The following RTN1 variants were observed in gnomAD, a reference collection of about 807,000 sequenced individuals.
RTN1 encodes the protein reticulon 1.
Under a neutral mutation model 65.5 loss-of-function variants are expected in RTN1, and 25 were observed. The observed-to-expected ratio is 0.38, with a 90% CI of 0.28 to 0.53. RTN1 has a LOEUF of 0.53. RTN1 is among the 20% of genes least tolerant of loss of function. The pLI is 0.79. For missense variants in RTN1, 983 were observed against 1,025.4 expected, an observed-to-expected ratio of 0.96 and a Z score of 0.57; for synonymous variants, 471 against 447.6, an observed-to-expected ratio of 1.05 and a Z score of -0.66.
intron 3 of RTN1, among the ~76,000 whole-genome samples, chr14:59,628,620 G>A (rs751608322): frequency 1.1e-4 from 16 of 152,122 alleles, no homozygotes; most frequent in Admixed American, 5.2e-4. Flanking sequence ...ACCAAAGGTC[G>A]CTGAGTATAA....
chr14:59,863,559 C>T (rs147247198), intron 1 of RTN1, among the ~76,000 whole-genome samples: 18 of 152,238 alleles, frequency 1.2e-4, no homozygotes, highest in Non-Finnish European at 1.9e-4. Context: ...TTTGAAAGAC[C>T]TCTGTATATT....
chr14:59,693,958 T>C (rs535693005), intron 3 of RTN1, among the ~76,000 whole-genome samples: 109 of 152,220 alleles, frequency 7.2e-4, no homozygotes, highest in Middle Eastern at 3.4e-3. Flanking sequence ...TGAAGATGAG[T>C]TTTCTGCTGG....
rs1886142413 is a variant in RTN1, at chr14:59,780,885, G to A, written c.242-34404C>T. 3.9e-5 allele frequency among the ~76,000 whole-genome samples: 6 copies of A among 152,276 alleles called. No individual in the cohort carries two copies. The South Asian group carries it at 1.2e-3, about 32-fold the overall frequency. Reference sequence around the variant, plus strand: ...CAGCAATGGATATGATCTTAGAAGTGGAGACGCCTGTCTGGGAAAGAGAGG... The same window carrying A: ...CAGCAATGGATATGATCTTAGAAGTAGAGACGCCTGTCTGGGAAAGAGAGG... On this transcript the variant is annotated intron_variant, in intron 1 of 8. Transcript: ENST00000267484.
At position 59,726,951 on chromosome 14, in the gene RTN1, G is replaced by A. The variant is rs1196575467; in HGVS notation, c.1733C>T (p.Pro578Leu). 3 of 1,613,038 alleles carry A rather than the reference G, an allele frequency of 1.9e-6. No homozygotes were observed. Among genetic ancestry groups the A allele is most frequent in the Non-Finnish European group, 2.5e-6 (3 of 1,179,648 alleles). ...KGPGPLGPGA[P>L]PPLLFLNKQK... The stretch of plus-strand genomic sequence containing the variant: ...CTTATTGAGAAACAGCAGTGGGGGC[G>A]GGGCGCCAGGACCTAGAGGCCCAGG... Residue 578 changes from proline to leucine, a missense_variant, in exon 3 of 9, where the codon CCG becomes CTG. Physicochemically the swap from Pro to Leu is moderately conservative, Grantham distance 98. Around this residue, in one of 2 missense-constraint regions of RTN1, gnomAD observed 818 missense variants for 801.8 expected, o/e 1.02. Coordinates refer to ENST00000267484, the MANE Select transcript of RTN1 (RefSeq NM_021136.3).
chr14:59,645,448 T>C (rs373144095), intron 3 of RTN1, among the ~76,000 whole-genome samples: 245 of 147,798 alleles, frequency 1.7e-3, no homozygotes, highest in Non-Finnish European at 2.7e-3. Context: ...ATGTTTTCTA[T>C]ATGTTTGTTA....
At chr14:59,839,386 T>C (rs1887270134) in intron 1 of RTN1, among the ~76,000 whole-genome samples, 1 of 152,190 alleles carries the variant, frequency 6.6e-6, no homozygotes, top group South Asian at 2.1e-4. Context: ...CTTTCATTTA[T>C]TATTACTACT....
chr14:59,792,403 A>C (rs1189770295), intron 1 of RTN1, among the ~76,000 whole-genome samples: 3 of 150,368 alleles, frequency 2.0e-5, no homozygotes, highest in African/African-American at 7.4e-5. Flanking sequence ...ACACATTCTG[A>C]GGTAACAGAT....
chr14:59,764,918 GC>G (rs1237947372), intron 1 of RTN1, among the ~76,000 whole-genome samples: 4 of 152,094 alleles, frequency 2.6e-5, no homozygotes, highest in African/African-American at 9.7e-5. Flanking sequence ...ATTCATTTAA[GC>G]ATTCCTCTTT....
chr14:59,729,800 C>T (rs998439654), intron 2 of RTN1, among the ~76,000 whole-genome samples: 2 of 152,192 alleles, frequency 1.3e-5, no homozygotes, highest in East Asian at 3.8e-4. Flanking sequence ...TCTGCCCTCT[C>T]CTGTGCTCTG....
Position 59,825,351 on chromosome 14 carries a change from T to C in RTN1, c.241+45039A>G, listed in dbSNP as rs571414662. On this transcript the variant is annotated intron_variant, in intron 1 of 8. Transcript: ENST00000267484. The surrounding 1 kb of genome is among the most constrained non-coding windows in gnomAD (Gnocchi z 4.2). ...TGGCCTTTGTTTACCAGCCCCAATATGGTTTAGGCAACAACTGTTCTGCTG... is the reference window on the plus strand; with the variant it reads ...TGGCCTTTGTTTACCAGCCCCAATACGGTTTAGGCAACAACTGTTCTGCTG... Among the ~76,000 whole-genome samples, 1 of 152,364 alleles carries C rather than the reference T, an allele frequency of 6.6e-6. No homozygotes were observed. Among genetic ancestry groups the C allele is most frequent in the East Asian group, 1.9e-4 (1 of 5,194 alleles).
At chr14:59,756,168 T>C (rs1190679414) in intron 1 of RTN1, among the ~76,000 whole-genome samples, 1 of 152,186 alleles carries the variant, frequency 6.6e-6, no homozygotes, top group East Asian at 1.9e-4. Flanking sequence ...TGCAGAGCAC[T>C]AAGATGAAAT....
chr14:59,798,192 G>C (rs1886473675), intron 1 of RTN1, among the ~76,000 whole-genome samples: 1 of 152,118 alleles, frequency 6.6e-6, no homozygotes, highest in Non-Finnish European at 1.5e-5. Flanking sequence ...GAGGTCAAGT[G>C]AATTATGACT....
intron 3 of RTN1, among the ~76,000 whole-genome samples, chr14:59,633,847 G>T (rs1238791305): frequency 6.6e-6 from 1 of 152,176 alleles, no homozygotes; most frequent in Non-Finnish European, 1.5e-5. Context: ...TAATATTGAA[G>T]GCTAGCATTC....
In RTN1 at chr14:59,790,526, T is replaced by C. The variant is rs1886329349; in HGVS notation, c.242-44045A>G. The stretch of plus-strand genomic sequence containing the variant: ...GGAAAATTCTGATAGAAGCCTGATT[T>C]TTCCTCTTCTAGGGGATTTGGTTTT... On this transcript the variant is annotated intron_variant, in intron 1 of 8. Transcript: ENST00000267484. The surrounding 1 kb of genome is among the most constrained non-coding windows in gnomAD (Gnocchi z 4.1). Among the ~76,000 whole-genome samples, 1 of 152,184 alleles carries C rather than the reference T, an allele frequency of 6.6e-6. No individual in the cohort carries two copies. The highest frequency in any genetic ancestry group is 2.4e-5 in the African/African-American group (1 of 41,458).
intron 3 of RTN1, among the ~76,000 whole-genome samples, chr14:59,659,443 T>A (rs1331706703): frequency 6.6e-6 from 1 of 150,622 alleles, no homozygotes; most frequent in Non-Finnish European, 1.5e-5. Flanking sequence ...AATTGTCAGG[T>A]TCATCAAGGT....
chr14:59,600,362 C>T (rs1300878945), intron 8 of RTN1, among the ~76,000 whole-genome samples: 1 of 152,012 alleles, frequency 6.6e-6, no homozygotes, highest in Non-Finnish European at 1.5e-5. Context: ...CACCAAGAAC[C>T]CTGTGTGGTA....
chr14:59,749,370 C>CTATATCTATATATATCTA (rs1885341408), intron 1 of RTN1, among the ~76,000 whole-genome samples: 1 of 30,342 alleles, frequency 3.3e-5, no homozygotes, highest in Non-Finnish European at 5.1e-5. Flanking sequence ...ATATATATAT[C>CTATATCTATATATATCTA]TATATATCTA....
intron 3 of RTN1, among the ~76,000 whole-genome samples, chr14:59,661,137 G>T (rs758160253): frequency 6.6e-6 from 1 of 150,694 alleles, no homozygotes; most frequent in Admixed American, 6.7e-5. Context: ...AGAAAATCTA[G>T]AAGAAATGGA....
intron 1 of RTN1, among the ~76,000 whole-genome samples, chr14:59,844,381 C>T (rs1266495563): frequency 6.6e-6 from 1 of 152,182 alleles, no homozygotes; most frequent in African/African-American, 2.4e-5. Context: ...GTCTCGAAAG[C>T]TTGCTTGCCA....
Sources: gnomAD v4.1 joint callset for allele counts (sites outside exome capture counted in the v4.1 genomes callset) on GRCh38, gnomAD v4.1.1 for gene constraint, gnomAD v4.1.1 regional missense constraint, Gnocchi (gnomAD v3.1) non-coding constraint, MANE v1.5 for transcripts, NCBI Gene and HGNC (gene_info 2026-07-23, HGNC 2026-07-21) for gene names.